The following PFKL variants were observed in gnomAD, a reference collection of about 807,000 sequenced individuals.
The protein encoded by PFKL is ATP-dependent 6-phosphofructokinase, liver type.
A neutral mutation model predicts 92.1 loss-of-function variants in PFKL; 74 were observed. That is an observed-to-expected ratio of 0.80 (90% confidence interval 0.67 to 0.97). The LOEUF (loss-of-function observed/expected upper bound fraction) is 0.97. Among genes scored for constraint, PFKL ranks in the 50% least tolerant of loss-of-function variants. PFKL has a pLI of 0.00. For synonymous variants in PFKL, 494 were observed against 456.4 expected (o/e 1.08, Z -1.05); for missense variants, 1,028 against 1,116.6 (o/e 0.92, Z 1.13).
chr21:44,325,128 A>G, intron 18 of PFKL, 25 bp from the exon 19 acceptor site: 1 of 1,510,406 alleles, frequency 6.6e-7, no homozygotes, highest in Non-Finnish European at 9.2e-7. Flanking sequence ...GTTCCCGCCG[A>G]CTCAGGCCCT....
Position 44,306,701 on chromosome 21 carries a change from G to C in PFKL, c.106G>C (p.Ala36Pro), listed in dbSNP as rs774879055. ...CACAGGCATGAACGCTGCTGTCCGG[G>C]CTGTGACGCGCATGGGCATTTATGT... ...DAQGMNAAVR[A>P]VTRMGIYVGA... Residue 36 changes from alanine (A) to proline (P), a missense_variant, in exon 2 of 22, where the codon GCT (alanine) becomes CCT (proline). Physicochemically the swap from Ala to Pro is conservative, Grantham distance 27. Coordinates refer to ENST00000349048, the MANE Select transcript of PFKL (RefSeq NM_002626.6). 2.5e-6 allele frequency: 4 copies of C among 1,613,838 alleles called. No individual in the cohort carries two copies. Among genetic ancestry groups the C allele is most frequent in the African/African-American group, 2.7e-5 (2 of 75,050 alleles).
intron 2 of PFKL, 135 bp downstream of exon 2, chr21:44,306,889 G>C (rs944040053): frequency 5.6e-5 from 42 of 753,774 alleles, no homozygotes; most frequent in Non-Finnish European, 9.1e-5. Context: ...TGTGGTCTTG[G>C]GGAGTGTGAG....
chr21:44,317,981 T>G (rs2047253430), intron 9 of PFKL, among the ~76,000 whole-genome samples: 1 of 152,246 alleles, frequency 6.6e-6, no homozygotes, highest in African/African-American at 2.4e-5. Context: ...TCTTGTCCAC[T>G]GTGGCCGGTT....
At chr21:44,325,936 G>A (rs1037997071) in intron 19 of PFKL, 25 bp from the exon 20 acceptor site, 3 of 1,592,990 alleles carry the variant, frequency 1.9e-6, no homozygotes, top group Non-Finnish European at 1.7e-6. Flanking sequence ...GGGAGTCCAG[G>A]GAACCGGGCC....
rs761462713 is a variant in PFKL at position 44,316,423 on chromosome 21, G to C, written c.844-9G>C. The stretch of plus-strand genomic sequence containing the variant: ...GGGCTCAGGGCTGGTCCTTCCCACT[G>C]TCCTGCAGCTGGTGGTTCAGAGGCT... On this transcript the variant is annotated splice_polypyrimidine_tract_variant and intron_variant, in intron 8 of 21. Coordinates refer to ENST00000349048, the MANE Select transcript of PFKL (RefSeq NM_002626.6). 15 of 1,612,280 alleles carry C rather than the reference G, an allele frequency of 9.3e-6. No individual in the cohort carries two copies. In the East Asian group the frequency reaches 3.1e-4, roughly 34 times the overall value.
intron 14 of PFKL, 31 bp from the exon 15 acceptor site, chr21:44,322,931 C>T (rs1265750447): frequency 5.2e-6 from 8 of 1,529,844 alleles, no homozygotes; most frequent in African/African-American, 1.4e-5. Flanking sequence ...CCGGGTGCTG[C>T]GTGTTCATGC....
At chr21:44,324,744 C>A in intron 17 of PFKL, 89 bp downstream of exon 17, 1 of 1,565,402 alleles carries the variant, frequency 6.4e-7, no homozygotes, top group Non-Finnish European at 8.7e-7. Context: ...CAGGGCAGGG[C>A]CCGGGCAGGT....
chr21:44,300,982 G>A (rs975139170), intron 1 of PFKL, among the ~76,000 whole-genome samples: 1 of 152,220 alleles, frequency 6.6e-6, no homozygotes, highest in Non-Finnish European at 1.5e-5. Context: ...AGAGAGGAGA[G>A]GATTTAGGAG....
chr21:44,305,458 G>A (rs770605967), intron 1 of PFKL: 2 of 1,164,668 alleles, frequency 1.7e-6, no homozygotes, highest in South Asian at 1.2e-5. Context: ...GGGGTGGGAG[G>A]GCAGGGGCTT....
chr21:44,315,276 C>G (rs948117804), intron 7 of PFKL: 2 of 152,272 alleles, frequency 1.3e-5, no homozygotes, highest in African/African-American at 4.8e-5. Context: ...CCACCTGGTT[C>G]CTTCCTGCTC....
rs2047361732 is a variant in PFKL, at chr21:44,321,803, G to A, written c.1266G>A (p.Val422=). The stretch of plus-strand genomic sequence containing the variant: ...TGAATGCGGCCGTGCGCTCGGCGGT[G>A]CGGACCGGCATCTCCCATGGACACA... ...AGMNAAVRSA[V]RTGISHGHTV... The change falls in exon 13 of 22, where the codon GTG becomes GTA. Residue 422 remains valine (V), a synonymous_variant. Coordinates refer to ENST00000349048, the MANE Select transcript of PFKL (RefSeq NM_002626.6). 1 of 1,603,372 alleles carries A rather than the reference G, an allele frequency of 6.2e-7. No homozygotes were observed. The highest frequency in any genetic ancestry group is 8.5e-7 in the Non-Finnish European group (1 of 1,175,036).
intron 12 of PFKL, chr21:44,321,373 C>T (rs1304051045): frequency 4.7e-6 from 1 of 213,344 alleles, no homozygotes; most frequent in Non-Finnish European, 9.2e-6. Flanking sequence ...CTTCCTTACT[C>T]GTGGCTGTGC....
Position 44,324,932 on chromosome 21 carries a change from G to C in PFKL, c.1877+15G>C. On this transcript the variant is annotated intron_variant, in intron 18 of 21. Transcript: ENST00000349048. ...CTGGTGCTGCGGTGAGGCTGCCGTG[G>C]GTCCCTGGCCACAGCTGCGCGTCCA... The C allele has an allele frequency of 6.3e-7, 1 of 1,596,712 alleles. No individual in the cohort carries two copies. The highest frequency in any genetic ancestry group is 8.5e-7 in the Non-Finnish European group (1 of 1,171,672).
Position 44,323,900 on chromosome 21 carries a change from T to C in PFKL, c.1632T>C (p.Ala544=). ...ACTTCAGCCTGGGCTCCGACACTGC[T>C]GTAAATGCCGCCATGGAGGTACGGG... ...GTDFSLGSDT[A]VNAAMESCDR... is the part of the protein sequence containing the mutation. Residue 544 remains alanine (A), a synonymous_variant, in exon 16 of 22, where the codon GCT becomes GCC. Transcript: ENST00000349048. 4 of 1,613,440 alleles carry C rather than the reference T, an allele frequency of 2.5e-6. No homozygotes were observed.
intron 2 of PFKL, among the ~76,000 whole-genome samples, chr21:44,310,162 C>T (rs1022385181): frequency 1.3e-5 from 2 of 152,252 alleles, no homozygotes; most frequent in Admixed American, 6.5e-5. Context: ...CTCCTCTCCA[C>T]ACCCTTAGTG....
At chr21:44,300,295 GCCCGGCCTCCCGC>G (rs552536568) in intron 1 of PFKL, 105 bp downstream of exon 1, 4,884 of 418,804 alleles carry the variant, frequency 0.012, 126 homozygotes, top group African/African-American at 0.07. Context: ...TCTCGGGCCG[GCCCGGCCTCCCGC>G]CCCGGCCTCC....
intron 2 of PFKL, 123 bp from the exon 3 acceptor site, chr21:44,310,883 G>T (rs1602011794): frequency 1.5e-6 from 1 of 685,926 alleles, no homozygotes; most frequent in Non-Finnish European, 2.6e-6. Context: ...ATGATGGTGG[G>T]GCCTCACAGT....
At chr21:44,311,230 A>ATCTGTGTGTGTGTGCGT in intron 3 of PFKL, 147 bp downstream of exon 3, 1 of 645,166 alleles carries the variant, frequency 1.5e-6, no homozygotes, top group Non-Finnish European at 2.7e-6. Flanking sequence ...ACAGACGCAC[A>ATCTGTGTGTGTGTGCGT]CACACACAGA....
At chr21:44,314,044 G>C (rs915461092) in intron 7 of PFKL, 23 bp downstream of exon 7, 16 of 1,533,552 alleles carry the variant, frequency 1.0e-5, no homozygotes, top group Non-Finnish European at 1.2e-5. Flanking sequence ...CAGCCTGCTG[G>C]GGGCCGCAGG....
Sources: gnomAD v4.1 joint callset for allele counts (sites outside exome capture counted in the v4.1 genomes callset) on GRCh38, gnomAD v4.1.1 for gene constraint, MANE v1.5 for transcripts, NCBI Gene and HGNC (gene_info 2026-07-23, HGNC 2026-07-21) for gene names.